The following SNTN variants were observed in gnomAD, a reference collection of about 807,000 sequenced individuals.
The protein encoded by SNTN is sentan.
Under a neutral mutation model 12.3 loss-of-function variants are expected in SNTN, and 13 were observed. The observed-to-expected ratio is 1.05, with a 90% confidence interval of 0.69 to 1.67. The LOEUF (loss-of-function observed/expected upper bound fraction) is 1.67. Ranked by LOEUF, SNTN falls within the 40% of genes most tolerant of loss-of-function variation. The pLI is 0.00. For missense variants in SNTN, 189 were observed against 169.8 expected, an observed-to-expected ratio of 1.11 and a Z score of -0.63; for synonymous variants, 69 against 58.5, an observed-to-expected ratio of 1.18 and a Z score of -0.82.
Position 63,655,753 on chromosome 3 carries a change from C to T in SNTN, c.145+957C>T, listed in dbSNP as rs766070644. The stretch of plus-strand genomic sequence containing the variant: ...AACACAGGATAAACATGATTCATCT[C>T]CCCAGAATGTATTTTATTTAGTGGG... On this transcript the variant is annotated intron_variant, in intron 2 of 3. Transcript: ENST00000343837. Among the ~76,000 whole-genome samples the T allele has an allele frequency of 2.3e-4, 35 of 152,238 alleles. No individual in the cohort carries two copies. The Middle Eastern group carries it at 0.01, about 44-fold the overall frequency.
At chr3:63,657,250 G>A (rs530091699) in intron 2 of SNTN, among the ~76,000 whole-genome samples, 1 of 152,256 alleles carries the variant, frequency 6.6e-6, no homozygotes, top group Non-Finnish European at 1.5e-5. Context: ...ATAACAAAGA[G>A]GGCAGCAGAA....
intron 2 of SNTN, among the ~76,000 whole-genome samples, chr3:63,659,141 A>T (rs1700715353): frequency 6.6e-6 from 1 of 152,204 alleles, no homozygotes; most frequent in Admixed American, 6.5e-5. Context: ...CAGTGGAAAG[A>T]AACGAATTAG....
At chr3:63,657,174 A>G (rs1173848470) in intron 2 of SNTN, among the ~76,000 whole-genome samples, 3 of 152,152 alleles carry the variant, frequency 2.0e-5, no homozygotes, top group Non-Finnish European at 4.4e-5. Flanking sequence ...TACTTGTTGG[A>G]TGGATAGAGT....
chr3:63,664,225 T>C lies in SNTN; in HGVS notation c.*130T>C. The stretch of plus-strand genomic sequence containing the variant: ...TGCCTAGGATGGTTCTGATTGCTGG[T>C]ATTCAGATCCAATGTAACTCCAAAT... On this transcript the variant is annotated 3_prime_UTR_variant, in exon 4 of 4. Transcript: ENST00000343837. 1.2e-6 allele frequency: 1 copy of C among 825,546 alleles called. No individual in the cohort carries two copies. The highest frequency in any genetic ancestry group is 1.7e-5 in the African/African-American group (1 of 57,726). 51.1% of individuals were successfully genotyped at this position (825,546 alleles called of 1,614,324 possible). A position where few individuals can be genotyped will look rare whatever the true frequency, so the allele number is the denominator to read the frequency against.
chr3:63,659,660 C>A, intron 2 of SNTN, 65 bp from the exon 3 acceptor site: 1 of 1,586,430 alleles, frequency 6.3e-7, no homozygotes, highest in Non-Finnish European at 8.6e-7. Flanking sequence ...GAAGACACAA[C>A]AGCAGGTCTG....
chr3:63,657,939 T>G (rs138677723), intron 2 of SNTN, among the ~76,000 whole-genome samples: 2 of 152,278 alleles, frequency 1.3e-5, no homozygotes, highest in East Asian at 3.9e-4. Context: ...TTTCACCCAC[T>G]TGTCTTCACT....
Position 63,664,174 on chromosome 3 carries a change from G to A in SNTN, c.*79G>A. On this transcript the variant is annotated 3_prime_UTR_variant, in exon 4 of 4. Coordinates refer to ENST00000343837, the MANE Select transcript of SNTN (RefSeq NM_001080537.2). ...GTTTCCATCTTATTTTTGATTAATT[G>A]AATATATCTATCATGCATCTGAAAT... The A allele has an allele frequency of 7.4e-7, 1 of 1,352,838 alleles. No homozygotes were observed. Among genetic ancestry groups the A allele is most frequent in the Non-Finnish European group, 1.0e-6 (1 of 1,004,846 alleles). The allele number at this position is 1,352,838 out of a possible 1,614,324, so 83.8% of individuals were successfully genotyped here.
chr3:63,657,599 A>G (rs1256261074), intron 2 of SNTN, among the ~76,000 whole-genome samples: 2 of 152,168 alleles, frequency 1.3e-5, no homozygotes, highest in East Asian at 3.8e-4. Context: ...ATGCTATTTT[A>G]TAGTGAAGGG....
chr3:63,659,837 G>C lies in SNTN; in HGVS notation c.258G>C (p.Leu86=), dbSNP rs759007837. 4 of 1,613,924 alleles carry C rather than the reference G, an allele frequency of 2.5e-6. No homozygotes were observed. The highest frequency in any genetic ancestry group is 3.3e-5 in the Admixed American group (2 of 60,008). Residue 86 remains leucine (L), a synonymous_variant, in exon 3 of 4, where the codon CTG becomes CTC. Transcript: ENST00000343837. ...KLEKAIAKDL[L]QTQFRNFAEG... ...AAAAAGCTATTGCCAAAGATCTGCT[G>C]CAAACCCAATTTAGGAATTTCGCAG...
intron 2 of SNTN, among the ~76,000 whole-genome samples, chr3:63,655,753 C>A (rs766070644): frequency 6.6e-6 from 1 of 152,120 alleles, no homozygotes; most frequent in Non-Finnish European, 1.5e-5. Flanking sequence ...TGATTCATCT[C>A]CCCAGAATGT....
At chr3:63,657,096 T>C (rs1445336764) in intron 2 of SNTN, among the ~76,000 whole-genome samples, 1 of 152,184 alleles carries the variant, frequency 6.6e-6, no homozygotes, top group Non-Finnish European at 1.5e-5. Context: ...GTTTGTTCTT[T>C]TGATGTTGCT....
chr3:63,658,412 A>ATG (rs879530144), intron 2 of SNTN, among the ~76,000 whole-genome samples: 12 of 112,866 alleles, frequency 1.1e-4, no homozygotes, highest in Non-Finnish European at 2.3e-4. Flanking sequence ...ATATATATAT[A>ATG]TATATATATA....
rs945570204 is a variant in SNTN at position 63,655,078 on chromosome 3, C to T, written c.145+282C>T. Among the ~76,000 whole-genome samples, 13 of 152,108 alleles carry T rather than the reference C, an allele frequency of 8.5e-5. No individual in the cohort carries two copies. The East Asian group carries it at 2.3e-3, about 27-fold the overall frequency. On this transcript the variant is annotated intron_variant, in intron 2 of 3. Coordinates refer to ENST00000343837, the MANE Select transcript of SNTN (RefSeq NM_001080537.2). ...GCGTTCTTCCCACCATATCCAGTTGCGTCTCCAAGGGCAGCATCCTTAGAA... is the reference window on the plus strand; with the variant it reads ...GCGTTCTTCCCACCATATCCAGTTGTGTCTCCAAGGGCAGCATCCTTAGAA...
At chr3:63,661,199 T>G (rs1040209717) in intron 3 of SNTN, among the ~76,000 whole-genome samples, 3 of 152,218 alleles carry the variant, frequency 2.0e-5, no homozygotes, top group Non-Finnish European at 4.4e-5. Context: ...GCAGTATATA[T>G]TCATACTTTG....
At chr3:63,656,853 C>G (rs1700684837) in intron 2 of SNTN, among the ~76,000 whole-genome samples, 1 of 152,190 alleles carries the variant, frequency 6.6e-6, no homozygotes, top group Non-Finnish European at 1.5e-5. Context: ...AGGCAGCGTG[C>G]ATCTTGGAGT....
rs75098699 is a variant in SNTN at position 63,658,783 on chromosome 3, G to A, written c.146-942G>A. Reference sequence around the variant, plus strand: ...ACTCAATATGAAAATCATGTTATTCGGACTGAACATCATTCTTTGAAACTG... The same window carrying A: ...ACTCAATATGAAAATCATGTTATTCAGACTGAACATCATTCTTTGAAACTG... On this transcript the variant is annotated intron_variant, in intron 2 of 3. Coordinates refer to ENST00000343837, the MANE Select transcript of SNTN (RefSeq NM_001080537.2). Among the ~76,000 whole-genome samples, 170 of 152,194 alleles carry A rather than the reference G, an allele frequency of 1.1e-3. 5 individuals are homozygous for A. The East Asian group carries it at 0.026, about 23-fold the overall frequency.
intron 2 of SNTN, 126 bp downstream of exon 2, chr3:63,654,922 A>C (rs765870271): frequency 2.4e-6 from 2 of 837,294 alleles, no homozygotes; most frequent in Non-Finnish European, 3.9e-6. Flanking sequence ...ATAAATCATC[A>C]AATATTCATG....
intron 1 of SNTN, 112 bp from the exon 2 acceptor site, chr3:63,654,650 A>G: frequency 1.1e-6 from 1 of 920,114 alleles, no homozygotes; most frequent in Non-Finnish European, 1.6e-6. Context: ...AAAATCTCAG[A>G]GAATGTTTAC....
chr3:63,658,028 A>G (rs1700701836), intron 2 of SNTN, among the ~76,000 whole-genome samples: 1 of 152,152 alleles, frequency 6.6e-6, no homozygotes, highest in African/African-American at 2.4e-5. Flanking sequence ...ACTTTGAAGA[A>G]AATCCTGATT....
Sources: gnomAD v4.1 joint callset for allele counts (sites outside exome capture counted in the v4.1 genomes callset) on GRCh38, gnomAD v4.1.1 for gene constraint, MANE v1.5 for transcripts, NCBI Gene and HGNC (gene_info 2026-07-23, HGNC 2026-07-21) for gene names.